Variants in MTREX observed in about 807,000 individuals in gnomAD.
MTREX encodes Mtr4 exosome RNA helicase.
In MTREX, 76 loss-of-function variants were observed where a neutral mutation model predicts 135.4. The ratio of observed to expected loss-of-function variants is 0.56; its 90% CI spans 0.47 to 0.68. MTREX has a LOEUF of 0.68. MTREX is among the 30% of genes least tolerant of loss of function. MTREX has a pLI of 0.00. For synonymous variants in MTREX, 404 were observed against 401.6 expected (o/e 1.01, Z -0.07); for missense variants, 920 against 1,262.1 (o/e 0.73, Z 4.11).
intron 18 of MTREX, among the ~76,000 whole-genome samples, chr5:55,379,729 A>C (rs188097567): frequency 1.8e-4 from 27 of 152,254 alleles, no homozygotes; most frequent in African/African-American, 6.5e-4. Flanking sequence ...TTCTCTTTTT[A>C]TGTGGAGTTG....
intron 18 of MTREX, among the ~76,000 whole-genome samples, chr5:55,385,926 T>C (rs757454199): frequency 2.6e-5 from 4 of 152,190 alleles, no homozygotes; most frequent in Non-Finnish European, 5.9e-5. Context: ...AAAGATAGAA[T>C]GAGGACTAGA....
intron 15 of MTREX, among the ~76,000 whole-genome samples, chr5:55,361,119 T>G (rs1387820016): frequency 6.6e-6 from 1 of 152,240 alleles, no homozygotes; most frequent in Non-Finnish European, 1.5e-5. Flanking sequence ...TGTTCTTTGA[T>G]GTACTTAAAG....
At chr5:55,321,843 A>G (rs1162619371) in intron 1 of MTREX, among the ~76,000 whole-genome samples, 2 of 152,042 alleles carry the variant, frequency 1.3e-5, no homozygotes, top group Non-Finnish European at 2.9e-5. Context: ...TCCCGACCTC[A>G]AGTGATCATC....
intron 19 of MTREX, among the ~76,000 whole-genome samples, chr5:55,389,162 A>T (rs749717669): frequency 1.4e-4 from 22 of 151,982 alleles, no homozygotes; most frequent in Non-Finnish European, 2.4e-4. Flanking sequence ...TGTGATTTTT[A>T]TTTTTTTCTA....
At chr5:55,324,349 T>C (rs1037275248) in intron 3 of MTREX, 151 bp downstream of exon 3, 3 of 408,700 alleles carry the variant, frequency 7.3e-6, no homozygotes, top group Non-Finnish European at 8.7e-6. Flanking sequence ...GTTGGGGCTT[T>C]GTAATTAAAC....
intron 5 of MTREX, among the ~76,000 whole-genome samples, chr5:55,339,712 A>T (rs1749612562): frequency 6.6e-6 from 1 of 152,214 alleles, no homozygotes; most frequent in Admixed American, 6.5e-5. Flanking sequence ...TGAATTTTGG[A>T]AGCCCGTCTT....
intron 4 of MTREX, among the ~76,000 whole-genome samples, chr5:55,328,474 G>A (rs540987372): frequency 3.3e-5 from 5 of 152,286 alleles, no homozygotes; most frequent in African/African-American, 1.2e-4. Context: ...CCAACATAAT[G>A]TGATGATTGA....
intron 18 of MTREX, among the ~76,000 whole-genome samples, chr5:55,386,832 G>A (rs1372949927): frequency 6.6e-6 from 1 of 152,002 alleles, no homozygotes; most frequent in Non-Finnish European, 1.5e-5. Flanking sequence ...ATTGTGTTAT[G>A]CATCTTATTC....
At chr5:55,371,959 T>A (rs1750209573) in intron 16 of MTREX, among the ~76,000 whole-genome samples, 1 of 152,096 alleles carries the variant, frequency 6.6e-6, no homozygotes, top group African/African-American at 2.4e-5. Context: ...CTGAAGTGAT[T>A]TGGAGTGATA....
intron 16 of MTREX, among the ~76,000 whole-genome samples, chr5:55,372,710 T>C (rs901500249): frequency 2.6e-5 from 4 of 152,142 alleles, no homozygotes; most frequent in Non-Finnish European, 5.9e-5. Context: ...AGTTGCACCC[T>C]TACCTCACGC....
chr5:55,323,580 G>A (rs1038417167), intron 2 of MTREX, among the ~76,000 whole-genome samples: 9 of 151,984 alleles, frequency 5.9e-5, no homozygotes, highest in Admixed American at 3.9e-4. Context: ...GTGCCACCAC[G>A]TATGCTAATT....
Position 55,344,595 on chromosome 5 carries a change from G to GCCTT in MTREX, c.983_984insTCCT (p.His329ProfsTer6). ...TACATTTTTCCAGCAGGGGGAGATGGCCTGCATCTTGTGGTTGATGAAAAT... is the reference window on the plus strand; with the variant it reads ...TACATTTTTCCAGCAGGGGGAGATGGCCTTCCTGCATCTTGTGGTTGATGAAAAT... On this transcript the variant is annotated frameshift_variant, in exon 9 of 27. Transcript: ENST00000230640. LOFTEE classifies it high-confidence loss of function. 1 of 1,606,134 alleles carries GCCTT rather than the reference G, an allele frequency of 6.2e-7. No individual in the cohort carries two copies. The highest frequency in any genetic ancestry group is 8.5e-7 in the Non-Finnish European group (1 of 1,173,390).
intron 1 of MTREX, among the ~76,000 whole-genome samples, chr5:55,319,120 T>C (rs896503885): frequency 1.3e-5 from 2 of 152,206 alleles, no homozygotes; most frequent in Non-Finnish European, 2.9e-5. Context: ...TGCAGATATG[T>C]TGCCCATTTA....
chr5:55,341,010 C>T (rs1473672791), intron 6 of MTREX, among the ~76,000 whole-genome samples: 1 of 152,158 alleles, frequency 6.6e-6, no homozygotes, highest in Non-Finnish European at 1.5e-5. Flanking sequence ...TATTTTTGTA[C>T]ATACTTTAAT....
intron 16 of MTREX, among the ~76,000 whole-genome samples, chr5:55,370,506 T>G (rs1328377992): frequency 6.6e-6 from 1 of 152,228 alleles, no homozygotes; most frequent in African/African-American, 2.4e-5. Flanking sequence ...TGAATACTTG[T>G]ATCTACTTGG....
chr5:55,372,550 T>C lies in MTREX; in HGVS notation c.1810+5675T>C, dbSNP rs1403991333. ...CTATTGTTATCCTCATTTTGCAGAT[T>C]AAGAAACTGAAGCACACTGGTTACA... On this transcript the variant is annotated intron_variant, in intron 16 of 26. Transcript: ENST00000230640. 2.0e-5 allele frequency among the ~76,000 whole-genome samples: 3 copies of C among 152,148 alleles called. No homozygotes were observed. In the East Asian group the frequency reaches 5.8e-4, roughly 29 times the overall value.
chr5:55,425,102 C>A lies in MTREX; in HGVS notation c.*330C>A. 1 of 1,432,142 alleles carries A rather than the reference C, an allele frequency of 7.0e-7. No homozygotes were observed. The highest frequency in any genetic ancestry group is 1.4e-5 in the South Asian group (1 of 71,988). The allele number at this position is 1,432,142 out of a possible 1,614,324, so 88.7% of individuals were successfully genotyped here. A position where few individuals can be genotyped will look rare whatever the true frequency, so the allele number is the denominator to read the frequency against. ...CAAGAGGCATAGCAGCAGCAGAAGT[C>A]TTTAAAGGCTTGTACACCAGGAAGA... On this transcript the variant is annotated 3_prime_UTR_variant, in exon 27 of 27. Coordinates refer to ENST00000230640, the MANE Select transcript of MTREX (RefSeq NM_015360.5).
intron 23 of MTREX, among the ~76,000 whole-genome samples, chr5:55,412,429 C>T (rs140321130): frequency 6.6e-6 from 1 of 152,232 alleles, no homozygotes; most frequent in African/African-American, 2.4e-5. Context: ...GGGCAGTGTA[C>T]AGGTCTAAGC....
At chr5:55,344,693 T>A in intron 9 of MTREX, 73 bp downstream of exon 9, 1 of 870,470 alleles carries the variant, frequency 1.1e-6, no homozygotes, top group Non-Finnish European at 1.7e-6. Flanking sequence ...TTGTTGTTTT[T>A]AAATTTTGAA....
Sources: allele counts gnomAD v4.1 joint callset (sites outside exome capture counted in the v4.1 genomes callset), GRCh38; gene constraint gnomAD v4.1.1; transcripts MANE v1.5; gene names NCBI Gene and HGNC (gene_info 2026-07-23, HGNC 2026-07-21).